Variants in TNFAIP8 observed in about 807,000 individuals in gnomAD.
The protein encoded by TNFAIP8 is tumor necrosis factor alpha-induced protein 8.
TNFAIP8 carries 7 observed loss-of-function variants against 13.3 expected under a neutral mutation model. That is an observed-to-expected ratio of 0.52 (90% CI 0.30 to 0.99). The LOEUF (loss-of-function observed/expected upper bound fraction) is 0.99, where lower values mean the gene tolerates loss of function less well. TNFAIP8 is among the 50% of genes least tolerant of loss of function. The probability of loss-of-function intolerance (pLI) is 0.07; values close to 1 mark genes in which losing one functional copy is unlikely to be tolerated. For missense variants in TNFAIP8, 258 were observed against 236.9 expected, an observed-to-expected ratio of 1.09 and a Z score of -0.58; for synonymous variants, 94 against 87.6, an observed-to-expected ratio of 1.07 and a Z score of -0.41.
intron 1 of TNFAIP8, among the ~76,000 whole-genome samples, chr5:119,324,333 A>T (rs187250004): frequency 6.9e-6 from 1 of 145,468 alleles, no homozygotes; most frequent in African/African-American, 2.5e-5. Flanking sequence ...TCCAAGTTCA[A>T]CATTCCCAAC....
intron 1 of TNFAIP8, among the ~76,000 whole-genome samples, chr5:119,320,109 A>C (rs947142370): frequency 1.3e-5 from 2 of 152,190 alleles, no homozygotes; most frequent in Non-Finnish European, 2.9e-5. Context: ...AGGGGATTCA[A>C]GTAGTGGACT....
intron 1 of TNFAIP8, among the ~76,000 whole-genome samples, chr5:119,304,387 C>T (rs955999263): frequency 5.9e-5 from 9 of 152,226 alleles, no homozygotes; most frequent in Admixed American, 1.3e-4. Flanking sequence ...TTTGCAGCCT[C>T]ATTTCCTCCT....
At position 119,398,846 on chromosome 5, in the gene TNFAIP8, C is replaced by T. The variant is rs898222859; in HGVS notation, c.*5465C>T. 23 of 152,288 alleles carry T rather than the reference C, an allele frequency of 1.5e-4. No individual in the cohort carries two copies. The highest frequency in any genetic ancestry group is 4.6e-4 in the African/African-American group (19 of 41,568). 9.4% of individuals were successfully genotyped at this position (152,288 alleles called of 1,614,324 possible). On this transcript the variant is annotated 3_prime_UTR_variant, in exon 2 of 2. Transcript: ENST00000504771. The stretch of plus-strand genomic sequence containing the variant: ...GATGATTTATAAGAAGCTGAGGTTT[C>T]GTCTTCCTAGAAATGGACTTTTATT...
At position 119,275,058 on chromosome 5, in the gene TNFAIP8, GA is replaced by G. The variant is rs1393194964; in HGVS notation, c.1+6152del. On this transcript the variant is annotated intron_variant, in intron 1 of 1. Coordinates refer to the TNFAIP8 transcript ENST00000274456. Reference sequence around the variant, plus strand: ...AGTGGAAAGAGCTCTTGAAAGTACAGAGTGGCTTTAAAGTTTAAAGAAGATT... The same window carrying G: ...AGTGGAAAGAGCTCTTGAAAGTACAGGTGGCTTTAAAGTTTAAAGAAGATT... Among the ~76,000 whole-genome samples the G allele has an allele frequency of 2.3e-4, 34 of 148,752 alleles. No homozygotes were observed. The East Asian group carries it at 6.2e-3, about 27-fold the overall frequency.
intron 1 of TNFAIP8, among the ~76,000 whole-genome samples, chr5:119,306,962 A>C (rs536016986): frequency 6.6e-6 from 1 of 152,390 alleles, no homozygotes; most frequent in African/African-American, 2.4e-5. Context: ...ATATATGTAC[A>C]AATAGGATCA....
In TNFAIP8 at chr5:119,393,462, T is replaced by C. The variant is rs1276524714; in HGVS notation, c.*81T>C. 7.8e-7 allele frequency: 1 copy of C among 1,274,188 alleles called. No individual in the cohort carries two copies. The highest frequency in any genetic ancestry group is 1.1e-6 in the Non-Finnish European group (1 of 922,104). The allele number at this position is 1,274,188 out of a possible 1,614,324, so 78.9% of individuals were successfully genotyped here. A position where few individuals can be genotyped will look rare whatever the true frequency, so the allele number is the denominator to read the frequency against. On this transcript the variant is annotated 3_prime_UTR_variant, in exon 2 of 2. Coordinates refer to ENST00000504771, the MANE Select transcript of TNFAIP8 (RefSeq NM_014350.4). ...GATTTATGAAGGAAAAAAGAAGAAT[T>C]TTCTAAAGATTACACATATTTCAGA... is the stretch of plus-strand genomic sequence containing the variant.
intron 1 of TNFAIP8, among the ~76,000 whole-genome samples, chr5:119,298,589 A>G (rs1469123448): frequency 2.6e-5 from 4 of 151,262 alleles, no homozygotes; most frequent in Non-Finnish European, 4.4e-5. Context: ...TGTGTCTTGG[A>G]GTTGCTCTTC....
intron 1 of TNFAIP8, among the ~76,000 whole-genome samples, chr5:119,304,160 C>T (rs1159017220): frequency 6.6e-6 from 1 of 151,846 alleles, no homozygotes; most frequent in Non-Finnish European, 1.5e-5. Context: ...GCTCTGTTGC[C>T]CAGGCTGGAG....
intron 1 of TNFAIP8, among the ~76,000 whole-genome samples, chr5:119,336,765 C>G (rs1198554609): frequency 6.6e-6 from 1 of 152,134 alleles, no homozygotes; most frequent in East Asian, 1.9e-4. Flanking sequence ...TCAGTATCAC[C>G]CCCTCACCCT....
intron 1 of TNFAIP8, among the ~76,000 whole-genome samples, chr5:119,318,247 G>A (rs1047680316): frequency 6.6e-6 from 1 of 151,520 alleles, no homozygotes; most frequent in Admixed American, 6.6e-5. Flanking sequence ...GGGATTTCAA[G>A]TGGTACCTTT....
chr5:119,303,305 G>C (rs1322080570), intron 1 of TNFAIP8, among the ~76,000 whole-genome samples: 3 of 152,202 alleles, frequency 2.0e-5, no homozygotes, highest in Non-Finnish European at 4.4e-5. Flanking sequence ...TCAGAGTTTG[G>C]AAGTCAGAGG....
intron 1 of TNFAIP8, among the ~76,000 whole-genome samples, chr5:119,309,176 A>G (rs1749656484): frequency 6.6e-6 from 1 of 152,222 alleles, no homozygotes; most frequent in East Asian, 1.9e-4. Context: ...TGCAACATGC[A>G]TTGGTATTCT....
chr5:119,303,021 C>T (rs751074591), intron 1 of TNFAIP8, among the ~76,000 whole-genome samples: 22 of 152,084 alleles, frequency 1.4e-4, no homozygotes, highest in Non-Finnish European at 2.8e-4. Context: ...CCTTTCATGT[C>T]TGACACACTC....
chr5:119,277,660 A>G (rs1748498788), intron 1 of TNFAIP8, among the ~76,000 whole-genome samples: 1 of 152,158 alleles, frequency 6.6e-6, no homozygotes, highest in South Asian at 2.1e-4. Flanking sequence ...CAGCATATGA[A>G]CTTTTTGGTG....
In TNFAIP8 at chr5:119,319,994, G is replaced by C. The variant is rs1023039367; in HGVS notation, c.1+51087G>C. ...GAAAACAGATTTCTGTTCAGTTCAA[G>C]GAGTGTCCGAAGAGATCATGAACCA... is the stretch of plus-strand genomic sequence containing the variant. On this transcript the variant is annotated intron_variant, in intron 1 of 1. Coordinates refer to the TNFAIP8 transcript ENST00000274456. Among the ~76,000 whole-genome samples, 4 of 152,310 alleles carry C rather than the reference G, an allele frequency of 2.6e-5. No homozygotes were observed. The East Asian group carries it at 7.7e-4, about 29-fold the overall frequency.
At chr5:119,369,192 T>G (rs1382513404) in intron 1 of TNFAIP8, among the ~76,000 whole-genome samples, 1 of 151,952 alleles carries the variant, frequency 6.6e-6, no homozygotes, top group African/African-American at 2.4e-5. Flanking sequence ...TAGGTGGGAT[T>G]ATGGGCACCC....
intron 1 of TNFAIP8, among the ~76,000 whole-genome samples, chr5:119,317,906 A>G (rs930574910): frequency 3.9e-5 from 6 of 152,116 alleles, no homozygotes; most frequent in African/African-American, 7.2e-5. Context: ...CCTACCTTAT[A>G]TAGTTGATAT....
In TNFAIP8 at chr5:119,386,819, A is replaced by G. The variant is rs73243212; in HGVS notation, c.32-5997A>G. Among the ~76,000 whole-genome samples the G allele has an allele frequency of 7.2e-3, 1,102 of 152,270 alleles. 17 individuals are homozygous for G. Among genetic ancestry groups the G allele is most frequent in the African/African-American group, 0.025 (1,053 of 41,556 alleles). ...CCTCCATCTGTGTGGCATAAGGCCAATTTTGGGATTAAGGTGCCTGGCACT... is the reference window on the plus strand; with the variant it reads ...CCTCCATCTGTGTGGCATAAGGCCAGTTTTGGGATTAAGGTGCCTGGCACT... On this transcript the variant is annotated intron_variant, in intron 1 of 1. Transcript: ENST00000504771.
chr5:119,349,345 T>C (rs79028143), intron 1 of TNFAIP8, among the ~76,000 whole-genome samples: 165 of 152,380 alleles, frequency 1.1e-3, no homozygotes, highest in African/African-American at 3.1e-3. Context: ...TCATGTTCTT[T>C]ACTCATTTCA....
Sources: allele counts gnomAD v4.1 joint callset (sites outside exome capture counted in the v4.1 genomes callset), GRCh38; gene constraint gnomAD v4.1.1; transcripts MANE v1.5; gene names NCBI Gene and HGNC (gene_info 2026-07-23, HGNC 2026-07-21).